GAP43: variants seen among roughly 807,000 people sequenced by gnomAD.
GAP43 encodes the protein growth associated protein 43.
Under a neutral mutation model 18.6 loss-of-function variants are expected in GAP43, and 6 were observed. That is an observed-to-expected ratio of 0.32 (90% CI 0.18 to 0.64). GAP43 has a LOEUF of 0.64. GAP43 is among the 30% of genes least tolerant of loss of function. The pLI, the probability that GAP43 is intolerant of heterozygous loss-of-function variation, is 0.78. For missense variants in GAP43, 292 were observed against 295.5 expected, an observed-to-expected ratio of 0.99 and a Z score of 0.09; for synonymous variants, 115 against 111.4, an observed-to-expected ratio of 1.03 and a Z score of -0.20.
chr3:115,642,801 A>C (rs369842888), intron 1 of GAP43, among the ~76,000 whole-genome samples: 1 of 152,112 alleles, frequency 6.6e-6, no homozygotes, highest in Admixed American at 6.6e-5. Flanking sequence ...TGTTGTTGAT[A>C]ATGATATTTT....
chr3:115,627,335 T>G (rs954918244), intron 1 of GAP43, among the ~76,000 whole-genome samples: 2 of 151,412 alleles, frequency 1.3e-5, no homozygotes, highest in African/African-American at 4.9e-5. Flanking sequence ...CAACCCATGC[T>G]GAGGCAACTG....
intron 2 of GAP43, among the ~76,000 whole-genome samples, chr3:115,717,669 CTTTTTT>C (rs56359297): frequency 1.5e-5 from 2 of 135,640 alleles, no homozygotes; most frequent in Non-Finnish European, 3.2e-5. Flanking sequence ...AAGGATTTTG[CTTTTTT>C]TTTTTTTTTT....
intron 2 of GAP43, among the ~76,000 whole-genome samples, chr3:115,709,875 G>A (rs1032122701): frequency 6.7e-6 from 1 of 148,338 alleles, no homozygotes; most frequent in African/African-American, 2.6e-5. Flanking sequence ...ACACACACAT[G>A]AGCAATTGAT....
At chr3:115,646,956 G>A (rs1708465234) in intron 1 of GAP43, among the ~76,000 whole-genome samples, 1 of 151,966 alleles carries the variant, frequency 6.6e-6, no homozygotes, top group Non-Finnish European at 1.5e-5. Context: ...ACATTGTGAT[G>A]GGGGCAGAGG....
intron 2 of GAP43, among the ~76,000 whole-genome samples, chr3:115,700,692 A>G (rs1373453533): frequency 6.6e-6 from 1 of 152,138 alleles, no homozygotes; most frequent in Non-Finnish European, 1.5e-5. Context: ...AATATTTTCT[A>G]TGCCATCTTT....
chr3:115,665,251 C>T (rs191028454), intron 1 of GAP43, among the ~76,000 whole-genome samples: 1 of 152,172 alleles, frequency 6.6e-6, no homozygotes, highest in Non-Finnish European at 1.5e-5. Context: ...TCTGGAGCCA[C>T]CCCCTTCAGA....
chr3:115,642,048 G>A (rs772649773), intron 1 of GAP43, among the ~76,000 whole-genome samples: 1 of 151,980 alleles, frequency 6.6e-6, no homozygotes, highest in African/African-American at 2.4e-5. Flanking sequence ...CATTCAACTC[G>A]AAAGGGCTAA....
At chr3:115,699,936 A>AG (rs954059005) in intron 2 of GAP43, among the ~76,000 whole-genome samples, 2 of 152,148 alleles carry the variant, frequency 1.3e-5, no homozygotes, top group African/African-American at 4.8e-5. Flanking sequence ...TATGATGCTC[A>AG]GGGGAATTAC....
At chr3:115,677,405 T>G (rs1576991502) in intron 2 of GAP43, among the ~76,000 whole-genome samples, 1 of 152,176 alleles carries the variant, frequency 6.6e-6, no homozygotes, top group South Asian at 2.1e-4. Flanking sequence ...TTCTCTTCAT[T>G]TTGGAGCTGT....
At chr3:115,715,632 G>T (rs908980321) in intron 2 of GAP43, among the ~76,000 whole-genome samples, 2 of 152,294 alleles carry the variant, frequency 1.3e-5, no homozygotes, top group Non-Finnish European at 2.9e-5. Context: ...AAATACTAAA[G>T]ATTACATATT....
chr3:115,699,286 T>C (rs1709266885), intron 2 of GAP43, among the ~76,000 whole-genome samples: 1 of 152,184 alleles, frequency 6.6e-6, no homozygotes, highest in Non-Finnish European at 1.5e-5. Flanking sequence ...GCCACTCTCT[T>C]ACAAAGAGAA....
intron 1 of GAP43, among the ~76,000 whole-genome samples, chr3:115,646,476 T>C (rs564863127): frequency 6.6e-6 from 1 of 152,188 alleles, no homozygotes; most frequent in South Asian, 2.1e-4. Flanking sequence ...GTTCATCTTG[T>C]TGATATGGCA....
intron 2 of GAP43, among the ~76,000 whole-genome samples, chr3:115,707,745 T>C (rs1709382621): frequency 6.6e-6 from 1 of 152,186 alleles, no homozygotes; most frequent in African/African-American, 2.4e-5. Flanking sequence ...AGAAGATAGG[T>C]ATAAAATTAA....
At chr3:115,706,401 G>T (rs1037952563) in intron 2 of GAP43, among the ~76,000 whole-genome samples, 1 of 152,092 alleles carries the variant, frequency 6.6e-6, no homozygotes, top group Non-Finnish European at 1.5e-5. Flanking sequence ...CCCAGCTGGG[G>T]GGTAGGCTGT....
rs543007081 is a variant in GAP43 at position 115,635,834 on chromosome 3, C to G, written c.30+12115C>G. Among the ~76,000 whole-genome samples, 30 of 151,996 alleles carry G rather than the reference C, an allele frequency of 2.0e-4. No homozygotes were observed. In the South Asian group the frequency reaches 6.0e-3, roughly 30 times the overall value. On this transcript the variant is annotated intron_variant, in intron 1 of 2. Coordinates refer to ENST00000305124, the MANE Select transcript of GAP43 (RefSeq NM_002045.4). ...GTGGAACGAAACTATTGATTCTTAG[C>G]TAAAAAGAGAACTGCCAATTTTGCT...
chr3:115,667,884 T>C (rs772975005), intron 1 of GAP43, among the ~76,000 whole-genome samples: 1 of 152,220 alleles, frequency 6.6e-6, no homozygotes, highest in Non-Finnish European at 1.5e-5. Context: ...CACCCTTTTG[T>C]TCCTAGCTCA....
chr3:115,649,988 C>G (rs979154100), intron 1 of GAP43, among the ~76,000 whole-genome samples: 2 of 152,094 alleles, frequency 1.3e-5, no homozygotes, highest in African/African-American at 4.8e-5. Flanking sequence ...TTAGACAGCA[C>G]TTTCCCAAGT....
intron 2 of GAP43, among the ~76,000 whole-genome samples, chr3:115,698,114 TA>T (rs1363749415): frequency 0.019 from 522 of 27,000 alleles, 30 homozygotes; most frequent in African/African-American, 0.044. Flanking sequence ...ATAAAATATA[TA>T]ATATATATTA....
chr3:115,639,182 A>T (rs967739722), intron 1 of GAP43, among the ~76,000 whole-genome samples: 1 of 152,142 alleles, frequency 6.6e-6, no homozygotes, highest in Admixed American at 6.5e-5. Flanking sequence ...GGCACAGTCC[A>T]TAATTGGGCA....
Sources: gnomAD v4.1 joint callset for allele counts (sites outside exome capture counted in the v4.1 genomes callset) on GRCh38, gnomAD v4.1.1 for gene constraint, MANE v1.5 for transcripts, NCBI Gene and HGNC (gene_info 2026-07-23, HGNC 2026-07-21) for gene names.